Variants in BCAS3 observed in about 807,000 individuals in gnomAD.
BCAS3 encodes BCAS3 microtubule associated cell migration factor, also known as BCAS4/BCAS3 fusion.
Under a neutral mutation model 116.1 loss-of-function variants are expected in BCAS3, and 53 were observed. The observed-to-expected ratio is 0.46, with a 90% CI of 0.37 to 0.57. The LOEUF is 0.57. Ranked by LOEUF, BCAS3 falls within the 20% of genes least tolerant of loss-of-function variation. The pLI is 0.00. For missense variants in BCAS3, 917 were observed against 1,165.4 expected, an observed-to-expected ratio of 0.79 and a Z score of 3.10; for synonymous variants, 391 against 408.2, an observed-to-expected ratio of 0.96 and a Z score of 0.51.
rs1273478883 is a variant in BCAS3, at chr17:61,144,421, G to A, written c.2425+59857G>A. ...AGATGTTTTCTTATGCTATATATAG[G>A]AATTAAGCAAGTGTTTCATAATGAA... is the stretch of plus-strand genomic sequence containing the variant. On this transcript the variant is annotated intron_variant, in intron 22 of 23. Transcript: ENST00000407086. This position sits in a 1 kb window ranked among gnomAD's most constrained non-coding sequence, Gnocchi z 5.0. Among the ~76,000 whole-genome samples, 1 of 152,250 alleles carries A rather than the reference G, an allele frequency of 6.6e-6. No individual in the cohort carries two copies. Among genetic ancestry groups the A allele is most frequent in the Non-Finnish European group, 1.5e-5 (1 of 68,002 alleles).
intron 22 of BCAS3, among the ~76,000 whole-genome samples, chr17:61,109,996 T>C (rs2074948128): frequency 6.6e-6 from 1 of 152,260 alleles, no homozygotes; most frequent in African/African-American, 2.4e-5. Context: ...CTTGGGTTCT[T>C]GGTCATGAAG....
chr17:60,951,686 T>C (rs1403647952), intron 14 of BCAS3, among the ~76,000 whole-genome samples: 1 of 152,116 alleles, frequency 6.6e-6, no homozygotes, highest in Non-Finnish European at 1.5e-5. Context: ...TTAAAAGCTA[T>C]GTATGTTTAT....
At chr17:60,702,538 AC>A (rs2036550667) in intron 4 of BCAS3, among the ~76,000 whole-genome samples, 1 of 152,136 alleles carries the variant, frequency 6.6e-6, no homozygotes, top group Admixed American at 6.6e-5. Flanking sequence ...GTGATTGCCC[AC>A]CATTTCAAGG....
At chr17:60,948,701 A>T (rs1366612670) in intron 14 of BCAS3, among the ~76,000 whole-genome samples, 1 of 152,168 alleles carries the variant, frequency 6.6e-6, no homozygotes, top group Non-Finnish European at 1.5e-5. Context: ...AAACGCTAAT[A>T]GTTTATAAGA....
Position 61,326,492 on chromosome 17 carries a change from G to A in BCAS3, c.2426-41835G>A, listed in dbSNP as rs565191864. Among the ~76,000 whole-genome samples, 10 of 152,346 alleles carry A rather than the reference G, an allele frequency of 6.6e-5. No individual in the cohort carries two copies. Among genetic ancestry groups the A allele is most frequent in the Non-Finnish European group, 1.3e-4 (9 of 68,036 alleles). Reference sequence around the variant, plus strand: ...TCTGACCTTACTGTGGAAGACAGGAGACTGTTAGAGAAGTCGAGTAGAACA... The same window carrying A: ...TCTGACCTTACTGTGGAAGACAGGAAACTGTTAGAGAAGTCGAGTAGAACA... On this transcript the variant is annotated intron_variant, in intron 22 of 23. Coordinates refer to ENST00000407086, the MANE Select transcript of BCAS3 (RefSeq NM_017679.5). The surrounding 1 kb of genome is among the most constrained non-coding windows in gnomAD (Gnocchi z 5.3).
intron 22 of BCAS3, among the ~76,000 whole-genome samples, chr17:61,268,058 A>G (rs1053812672): frequency 6.6e-6 from 1 of 152,128 alleles, no homozygotes; most frequent in South Asian, 2.1e-4. Context: ...CAGGCCACAG[A>G]CAGACTGTCA....
rs993622149 is a variant in BCAS3, at chr17:61,051,393, A to G, written c.2029+10501A>G. On this transcript the variant is annotated intron_variant, in intron 19 of 23. Transcript: ENST00000407086. This position sits in a 1 kb window ranked among gnomAD's most constrained non-coding sequence, Gnocchi z 4.1. Reference sequence around the variant, plus strand: ...CTTGATTGTAGTGGAGGTTACACCAATTTACACATGTGATAAAATTGAATA... The same window carrying G: ...CTTGATTGTAGTGGAGGTTACACCAGTTTACACATGTGATAAAATTGAATA... Among the ~76,000 whole-genome samples the G allele has an allele frequency of 1.3e-5, 2 of 152,002 alleles. No individual in the cohort carries two copies. The highest frequency in any genetic ancestry group is 2.9e-5 in the Non-Finnish European group (2 of 67,932).
At chr17:60,841,278 A>T (rs1315911084) in intron 7 of BCAS3, among the ~76,000 whole-genome samples, 1 of 152,142 alleles carries the variant, frequency 6.6e-6, no homozygotes, top group Non-Finnish European at 1.5e-5. Flanking sequence ...CACTAAATCT[A>T]AAGATCATTT....
chr17:61,015,406 T>C (rs1014993138), intron 15 of BCAS3, among the ~76,000 whole-genome samples: 3 of 152,138 alleles, frequency 2.0e-5, no homozygotes, highest in African/African-American at 7.2e-5. Context: ...TCCTCTTGTC[T>C]CAGTCTTTAG....
At position 61,368,434 on chromosome 17, in the gene BCAS3, G is replaced by C. The variant is rs771640451; in HGVS notation, c.2533G>C (p.Glu845Gln). The C allele has an allele frequency of 1.7e-5, 27 of 1,612,450 alleles. No homozygotes were observed. The highest frequency in any genetic ancestry group is 1.6e-5 in the Non-Finnish European group (19 of 1,178,708). The change falls in exon 23 of 24, where the codon GAG becomes CAG. Residue 845 changes from glutamate (E) to glutamine (Q), a missense_variant. Physicochemically the swap from Glu to Gln is conservative, Grantham distance 29. This residue lies in a region of BCAS3 where 109 missense variants were observed against 122.8 expected (regional missense o/e 0.89). Transcript: ENST00000407086. This position sits in a 1 kb window ranked among gnomAD's most constrained non-coding sequence, Gnocchi z 6.0. ...GGAGCACACGGAGGAGGGCCTCCGG[G>C]AGCGACTTGCCGACGCCATGGCCGA... ...SMEHTEEGLR[E>Q]RLADAMAESP...
intron 6 of BCAS3, among the ~76,000 whole-genome samples, chr17:60,766,022 G>T (rs565722537): frequency 6.6e-6 from 1 of 152,218 alleles, no homozygotes; most frequent in South Asian, 2.1e-4. Context: ...TCGTGCCATG[G>T]TTTTCAGCTC....
chr17:60,784,367 C>T (rs1051446349), intron 6 of BCAS3, among the ~76,000 whole-genome samples: 22 of 145,354 alleles, frequency 1.5e-4, no homozygotes, highest in African/African-American at 4.9e-4. Context: ...GACACAATCT[C>T]GGCTCACTGG....
At position 61,124,003 on chromosome 17, in the gene BCAS3, T is replaced by C. The variant is rs982353002; in HGVS notation, c.2425+39439T>C. ...TTCAAACCAGTTCTAATCAAATCAG[T>C]TCTTTTATGTGCTTATACTACATGG... is the stretch of plus-strand genomic sequence containing the variant. On this transcript the variant is annotated intron_variant, in intron 22 of 23. Transcript: ENST00000407086. This position sits in a 1 kb window ranked among gnomAD's most constrained non-coding sequence, Gnocchi z 4.6. Among the ~76,000 whole-genome samples the C allele has an allele frequency of 1.3e-5, 2 of 152,146 alleles. No individual in the cohort carries two copies. Among genetic ancestry groups the C allele is most frequent in the Admixed American group, 6.5e-5 (1 of 15,278 alleles).
intron 6 of BCAS3, among the ~76,000 whole-genome samples, chr17:60,778,405 T>C (rs144584751): frequency 6.6e-6 from 1 of 152,324 alleles, no homozygotes; most frequent in East Asian, 1.9e-4. Context: ...TATGCTTGTT[T>C]CAATTTGTGG....
intron 22 of BCAS3, among the ~76,000 whole-genome samples, chr17:61,257,224 AGCCT>A (rs2048850419): frequency 6.6e-6 from 1 of 152,068 alleles, no homozygotes; most frequent in Non-Finnish European, 1.5e-5. Context: ...GTTTGAGACC[AGCCT>A]GGCCAATATG....
Position 61,380,349 on chromosome 17 carries a change from A to C in BCAS3, c.2594-11628A>C. On this transcript the variant is annotated intron_variant, in intron 23 of 23. Transcript: ENST00000407086. This position sits in a 1 kb window ranked among gnomAD's most constrained non-coding sequence, Gnocchi z 4.2. Reference sequence around the variant, plus strand: ...TAGTGAGAAATCTGTAAAACCCTAGATGTGCTGTGCCTGGGAACAGACCAT... The same window carrying C: ...TAGTGAGAAATCTGTAAAACCCTAGCTGTGCTGTGCCTGGGAACAGACCAT... 1.5e-6 allele frequency: 1 copy of C among 660,216 alleles called. No individual in the cohort carries two copies. Among genetic ancestry groups the C allele is most frequent in the Non-Finnish European group, 2.7e-6 (1 of 372,126 alleles). The allele number at this position is 660,216 out of a possible 1,614,324, so 40.9% of individuals were successfully genotyped here.
intron 19 of BCAS3, among the ~76,000 whole-genome samples, chr17:61,067,405 T>G (rs921289777): frequency 6.7e-6 from 1 of 148,828 alleles, no homozygotes; most frequent in South Asian, 2.1e-4. Context: ...TTGTTTGCTT[T>G]ACACATACTC....
chr17:60,815,365 G>A (rs2049279123), intron 7 of BCAS3, among the ~76,000 whole-genome samples: 1 of 151,838 alleles, frequency 6.6e-6, no homozygotes, highest in Non-Finnish European at 1.5e-5. Context: ...AATGGGTGCA[G>A]CACACTAACA....
chr17:61,117,675 A>G (rs906524639), intron 22 of BCAS3, among the ~76,000 whole-genome samples: 1 of 152,034 alleles, frequency 6.6e-6, no homozygotes, highest in Non-Finnish European at 1.5e-5. Context: ...AAGACTTTCT[A>G]TTTCTTTGAT....
Sources: gnomAD v4.1 joint callset for allele counts (sites outside exome capture counted in the v4.1 genomes callset) on GRCh38, gnomAD v4.1.1 for gene constraint, gnomAD v4.1.1 regional missense constraint, Gnocchi (gnomAD v3.1) non-coding constraint, MANE v1.5 for transcripts, NCBI Gene and HGNC (gene_info 2026-07-23, HGNC 2026-07-21) for gene names.